The following SLC35D1 variants were observed in gnomAD, a reference collection of about 807,000 sequenced individuals.
The protein encoded by SLC35D1 is solute carrier family 35 member D1.
Under a neutral mutation model 46.7 loss-of-function variants are expected in SLC35D1, and 31 were observed. The observed-to-expected ratio is 0.66, with a 90% CI of 0.50 to 0.90. SLC35D1 has a LOEUF of 0.90. SLC35D1 is among the 40% of genes least tolerant of loss of function. The pLI, the probability that SLC35D1 is intolerant of heterozygous loss-of-function variation, is 0.00. For synonymous variants in SLC35D1, 195 were observed against 164.6 expected, an observed-to-expected ratio of 1.18 and a Z score of -1.41; for missense variants, 397 against 426.2, an observed-to-expected ratio of 0.93 and a Z score of 0.60.
downstream of SLC35D1, among the ~76,000 whole-genome samples, chr1:66,997,500 G>GT (rs1301858718): frequency 8.6e-3 from 378 of 43,982 alleles, 1 homozygote; most frequent in African/African-American, 0.032. Context: ...GAGACCCTGT[G>GT]TTAAAAAAAA....
the SLC35D1 span, among the ~76,000 whole-genome samples, chr1:66,994,318 A>G: frequency 1.2e-4 from 18 of 152,200 alleles, 1 homozygote; most frequent in Admixed American, 1.2e-3. Context: ...AGCTGAACTC[A>G]TAATTCTGAT....
rs913187251 is a variant in SLC35D1 at position 67,014,346 on chromosome 1, G to A, written c.877-5179C>T. Among the ~76,000 whole-genome samples the A allele has an allele frequency of 2.0e-5, 3 of 152,282 alleles. No individual in the cohort carries two copies. In the East Asian group the frequency reaches 5.8e-4, roughly 29 times the overall value. On this transcript the variant is annotated intron_variant, in intron 10 of 11. Transcript: ENST00000235345. ...AACACAATAAGGGCTTGGGCCATGT[G>A]AGGCAGATAAACTTTAATCTTTTTC...
the SLC35D1 span, among the ~76,000 whole-genome samples, chr1:66,991,794 C>T: frequency 9.4e-4 from 141 of 149,254 alleles, no homozygotes; most frequent in African/African-American, 3.3e-3. Context: ...ATATTTACAG[C>T]TTTTTTTTTT....
At chr1:66,995,669 C>T (rs1317883025), downstream of SLC35D1, among the ~76,000 whole-genome samples, 1 of 151,752 alleles carries the variant, frequency 6.6e-6, no homozygotes, top group African/African-American at 2.4e-5. Context: ...GACAGAGGCC[C>T]TAGAAGGTGG....
At chr1:67,008,598 C>T (rs1251981896) in intron 11 of SLC35D1, among the ~76,000 whole-genome samples, 1 of 152,150 alleles carries the variant, frequency 6.6e-6, no homozygotes, top group East Asian at 1.9e-4. Context: ...CACTTTTGAT[C>T]TTCAAAAGCA....
downstream of SLC35D1, among the ~76,000 whole-genome samples, chr1:66,995,683 G>C (rs1667232441): frequency 6.6e-6 from 1 of 151,876 alleles, no homozygotes; most frequent in African/African-American, 2.4e-5. Context: ...AAGGTGGGTG[G>C]GCTGTCCCCG....
At chr1:66,988,916 T>TAA in the SLC35D1 span, among the ~76,000 whole-genome samples, 4 of 152,202 alleles carry the variant, frequency 2.6e-5, no homozygotes, top group African/African-American at 4.8e-5. Context: ...GGTAGAAAAG[T>TAA]AAAGTGTATT....
At chr1:67,030,192 T>C (rs1289263172) in intron 8 of SLC35D1, among the ~76,000 whole-genome samples, 1 of 152,196 alleles carries the variant, frequency 6.6e-6, no homozygotes, top group Non-Finnish European at 1.5e-5. Context: ...ACTGAGCTTC[T>C]GTAAAGGAGA....
At chr1:67,036,313 A>ATC (rs1179059978) in intron 8 of SLC35D1, among the ~76,000 whole-genome samples, 1 of 152,088 alleles carries the variant, frequency 6.6e-6, no homozygotes, top group East Asian at 1.9e-4. Context: ...ATTGGGATCT[A>ATC]TCTCTCTCTT....
At chr1:67,048,501 T>G (rs1645273496) in intron 6 of SLC35D1, among the ~76,000 whole-genome samples, 1 of 152,228 alleles carries the variant, frequency 6.6e-6, no homozygotes, top group African/African-American at 2.4e-5. Flanking sequence ...CAATTTCTAG[T>G]AACCAATTAC....
Position 67,005,362 on chromosome 1 carries a change from C to T in SLC35D1, c.960-914G>A, listed in dbSNP as rs79744866. ...TGTTCTCTGGGCTCTGACATCAGCC[C>T]CAGACCAGCTGCAGAAGGGTGAGAG... On this transcript the variant is annotated intron_variant, in intron 11 of 11. Coordinates refer to ENST00000235345, the MANE Select transcript of SLC35D1 (RefSeq NM_015139.3). Among the ~76,000 whole-genome samples the T allele has an allele frequency of 3.9e-3, 594 of 152,284 alleles. 5 individuals carry two copies. Among genetic ancestry groups the T allele is most frequent in the African/African-American group, 0.014 (574 of 41,558 alleles).
chr1:67,046,950 A>C (rs1021092062), intron 7 of SLC35D1, among the ~76,000 whole-genome samples: 8 of 152,160 alleles, frequency 5.3e-5, no homozygotes, highest in African/African-American at 1.9e-4. Context: ...TCTGCCTCCC[A>C]GGTCCCTCGG....
At position 67,027,492 on chromosome 1, in the gene SLC35D1, G is replaced by A. The variant is rs1408665336; in HGVS notation, c.730-5890C>T. On this transcript the variant is annotated intron_variant, in intron 8 of 11. Transcript: ENST00000235345. ...TCTCACTATATTGCCCAGGCTGGCC[G>A]TGAACTCCTGACCTCAAGTAATCTT... is the stretch of plus-strand genomic sequence containing the variant. Among the ~76,000 whole-genome samples, 5 of 151,762 alleles carry A rather than the reference G, an allele frequency of 3.3e-5. No individual in the cohort carries two copies. In the East Asian group the frequency reaches 5.8e-4, roughly 18 times the overall value.
chr1:67,021,439 T>G (rs1487188172), intron 9 of SLC35D1, 96 bp downstream of exon 9: 1 of 1,305,170 alleles, frequency 7.7e-7, no homozygotes, highest in East Asian at 2.3e-5. Flanking sequence ...GCTGACACAC[T>G]CAGGAGACCT....
intron 10 of SLC35D1, among the ~76,000 whole-genome samples, chr1:67,012,017 C>G (rs1014426328): frequency 3.3e-5 from 5 of 152,164 alleles, no homozygotes; most frequent in African/African-American, 1.2e-4. Context: ...GACTTCTGAT[C>G]AAGTGGAAGC....
the SLC35D1 span, among the ~76,000 whole-genome samples, chr1:66,983,195 T>C: frequency 2.6e-5 from 4 of 152,186 alleles, no homozygotes; most frequent in African/African-American, 9.7e-5. Context: ...CCCAATGTTA[T>C]ATTACTTTTT....
In SLC35D1 at chr1:67,016,180, C is replaced by G. The variant is rs115185374; in HGVS notation, c.876+4189G>C. Among the ~76,000 whole-genome samples the G allele has an allele frequency of 6.3e-3, 964 of 152,036 alleles. 6 individuals carry two copies. Among genetic ancestry groups the G allele is most frequent in the Non-Finnish European group, 0.011 (753 of 67,936 alleles). On this transcript the variant is annotated intron_variant, in intron 10 of 11. Transcript: ENST00000235345. ...TGAGATTCCTAAAGATTTGAAATGT[C>G]TTCAGATATATTATCAGTAATAATT...
At chr1:66,982,950 A>G in the SLC35D1 span, among the ~76,000 whole-genome samples, 1 of 152,232 alleles carries the variant, frequency 6.6e-6, no homozygotes, top group East Asian at 1.9e-4. Context: ...GACTAACCGT[A>G]TAGGCTCAAG....
the SLC35D1 span, among the ~76,000 whole-genome samples, chr1:66,989,587 C>CTGAG: frequency 1.3e-5 from 2 of 152,190 alleles, no homozygotes; most frequent in Non-Finnish European, 2.9e-5. Context: ...CCTCAGCCTC[C>CTGAG]TGAGTGGCTG....
Sources: gnomAD v4.1 joint callset for allele counts (sites outside exome capture counted in the v4.1 genomes callset) on GRCh38, gnomAD v4.1.1 for gene constraint, MANE v1.5 for transcripts, NCBI Gene and HGNC (gene_info 2026-07-23, HGNC 2026-07-21) for gene names.